Variants in SND1 observed in about 807,000 individuals in gnomAD.
The protein encoded by SND1 is staphylococcal nuclease and tudor domain containing 1, also known as staphylococcal nuclease domain-containing protein 1.
A neutral mutation model predicts 121.7 loss-of-function variants in SND1; 38 were observed. The ratio of observed to expected loss-of-function variants is 0.31; its 90% confidence interval spans 0.24 to 0.41. The LOEUF (loss-of-function observed/expected upper bound fraction) is 0.41. Among genes scored for constraint, SND1 ranks in the 10% least tolerant of loss-of-function variants. SND1 has a pLI of 1.00. For synonymous variants in SND1, 401 were observed against 447.4 expected, an observed-to-expected ratio of 0.90 and a Z score of 1.31; for missense variants, 868 against 1,184.6, an observed-to-expected ratio of 0.73 and a Z score of 3.92.
At chr7:128,043,884 ACACACG>A (rs1029690672) in intron 16 of SND1, among the ~76,000 whole-genome samples, 5 of 149,966 alleles carry the variant, frequency 3.3e-5, no homozygotes, top group African/African-American at 1.0e-4. Context: ...ACACACACAC[ACACACG>A]TAATAAACGT....
At chr7:127,977,966 T>A (rs73721268) in intron 15 of SND1, among the ~76,000 whole-genome samples, 2,460 of 151,692 alleles carry the variant, frequency 0.016, 89 homozygotes, top group African/African-American at 0.056. Context: ...AGAAGATGAG[T>A]TTGGTTTTAA....
chr7:127,924,703 T>A (rs976246812), intron 14 of SND1, among the ~76,000 whole-genome samples: 1 of 152,172 alleles, frequency 6.6e-6, no homozygotes, highest in African/African-American at 2.4e-5. Flanking sequence ...TCGTCTGCTC[T>A]CCCACCTACC....
intron 10 of SND1, among the ~76,000 whole-genome samples, chr7:127,781,379 C>T (rs1338571829): frequency 1.3e-5 from 2 of 152,028 alleles, no homozygotes; most frequent in Admixed American, 6.6e-5. Flanking sequence ...TCGTTCCTCC[C>T]CGCCCCCCCT....
At chr7:127,876,206 T>C (rs1294780521) in intron 12 of SND1, among the ~76,000 whole-genome samples, 1 of 152,124 alleles carries the variant, frequency 6.6e-6, no homozygotes, top group African/African-American at 2.4e-5. Flanking sequence ...ATTAGAAAAT[T>C]TCTAAAAAAG....
rs563968804 is a variant in SND1, at chr7:127,955,521, G to A, written c.1669+26192G>A. 7.2e-4 allele frequency among the ~76,000 whole-genome samples: 110 copies of A among 152,212 alleles called. 2 individuals carry two copies. In the South Asian group the frequency reaches 0.023, roughly 31 times the overall value. On this transcript the variant is annotated intron_variant, in intron 15 of 23. Coordinates refer to ENST00000354725, the MANE Select transcript of SND1 (RefSeq NM_014390.4). Reference sequence around the variant, plus strand: ...TGGAGTTGTGGGGGGGTGGTGGCACGTGGTTATGCAGAGAGACTTTGGTGG... The same window carrying A: ...TGGAGTTGTGGGGGGGTGGTGGCACATGGTTATGCAGAGAGACTTTGGTGG...
chr7:127,712,223 A>C (rs1423614768), intron 9 of SND1, among the ~76,000 whole-genome samples: 1 of 152,170 alleles, frequency 6.6e-6, no homozygotes, highest in East Asian at 1.9e-4. Flanking sequence ...CAGTGGTGCC[A>C]TCACAGCTCA....
intron 12 of SND1, among the ~76,000 whole-genome samples, chr7:127,849,122 G>A (rs1423569523): frequency 6.6e-6 from 1 of 152,202 alleles, no homozygotes; most frequent in Non-Finnish European, 1.5e-5. Context: ...GGAATTAGCT[G>A]ATCGTTTTAG....
chr7:128,073,708 A>G (rs745560580), intron 16 of SND1, among the ~76,000 whole-genome samples: 3 of 152,210 alleles, frequency 2.0e-5, no homozygotes, highest in Non-Finnish European at 4.4e-5. Flanking sequence ...GAGAAAATCA[A>G]AGAAGGAATT....
intron 15 of SND1, among the ~76,000 whole-genome samples, chr7:127,930,125 C>T (rs949119285): frequency 6.6e-6 from 1 of 151,888 alleles, no homozygotes; most frequent in Non-Finnish European, 1.5e-5. Context: ...TTTACTTCCA[C>T]CACCACCCCC....
chr7:127,834,929 G>A (rs921447726), intron 11 of SND1, among the ~76,000 whole-genome samples: 1 of 152,078 alleles, frequency 6.6e-6, no homozygotes, highest in Admixed American at 6.5e-5. Flanking sequence ...GCTCTGAATT[G>A]TAGTCAATGC....
chr7:127,860,879 A>G (rs1799365112), intron 12 of SND1, among the ~76,000 whole-genome samples: 1 of 152,228 alleles, frequency 6.6e-6, no homozygotes, highest in South Asian at 2.1e-4. Flanking sequence ...GTGGGTTTAT[A>G]AAGACTGAAG....
At chr7:127,995,113 G>C in intron 16 of SND1, among the ~76,000 whole-genome samples, 1 of 152,190 alleles carries the variant, frequency 6.6e-6, no homozygotes, top group East Asian at 1.9e-4. Flanking sequence ...TATATGGCTT[G>C]CAAAGCCTAA....
chr7:127,725,613 T>TGGAC (rs1359856042), intron 10 of SND1, among the ~76,000 whole-genome samples: 2 of 152,184 alleles, frequency 1.3e-5, no homozygotes, highest in Non-Finnish European at 2.9e-5. Context: ...CTGTGATGGA[T>TGGAC]GGACGGTGGA....
At chr7:127,806,945 C>T (rs1798249367) in intron 10 of SND1, among the ~76,000 whole-genome samples, 1 of 152,052 alleles carries the variant, frequency 6.6e-6, no homozygotes, top group Non-Finnish European at 1.5e-5. Flanking sequence ...GGCAACAGAG[C>T]AAGACTCTGT....
At chr7:128,070,216 G>A (rs563163815) in intron 16 of SND1, among the ~76,000 whole-genome samples, 2 of 152,146 alleles carry the variant, frequency 1.3e-5, no homozygotes, top group Non-Finnish European at 2.9e-5. Context: ...ATAGTCTCTC[G>A]GGAGGTACCC....
chr7:128,036,768 A>G (rs1792758478), intron 16 of SND1, among the ~76,000 whole-genome samples: 1 of 152,236 alleles, frequency 6.6e-6, no homozygotes, highest in South Asian at 2.1e-4. Flanking sequence ...CATGTGGTCT[A>G]GCCACAGTCA....
At chr7:128,044,640 CCACACACACAGA>C (rs1016961992) in intron 16 of SND1, among the ~76,000 whole-genome samples, 14 of 123,144 alleles carry the variant, frequency 1.1e-4, no homozygotes, top group Non-Finnish European at 2.0e-4. Flanking sequence ...CCCACCCCCG[CCACACACACAGA>C]CACACACACA....
chr7:127,929,605 A>T lies in SND1; in HGVS notation c.1669+276A>T, dbSNP rs986269336. Among the ~76,000 whole-genome samples the T allele has an allele frequency of 2.0e-5, 3 of 152,228 alleles. No individual in the cohort carries two copies. In the East Asian group the frequency reaches 5.8e-4, roughly 29 times the overall value. On this transcript the variant is annotated intron_variant, in intron 15 of 23. Coordinates refer to ENST00000354725, the MANE Select transcript of SND1 (RefSeq NM_014390.4). ...GCCCTTATAGAGCTAGAGCAAAGGA[A>T]GTTCCAGACTAGGAAAATACCAGCC...
At chr7:127,862,518 G>A (rs1051168319) in intron 12 of SND1, among the ~76,000 whole-genome samples, 1 of 152,160 alleles carries the variant, frequency 6.6e-6, no homozygotes, top group Non-Finnish European at 1.5e-5. Flanking sequence ...ATTGGAACTT[G>A]TTTCTTTTAA....
Sources: gnomAD v4.1 joint callset for allele counts (sites outside exome capture counted in the v4.1 genomes callset) on GRCh38, gnomAD v4.1.1 for gene constraint, MANE v1.5 for transcripts, NCBI Gene and HGNC (gene_info 2026-07-23, HGNC 2026-07-21) for gene names.